The following RCAN1 variants were observed in gnomAD, a reference collection of about 807,000 sequenced individuals.
RCAN1 encodes the protein regulator of calcineurin 1, also known as calcipressin-1.
RCAN1 carries 11 observed loss-of-function variants against 22.9 expected under a neutral mutation model. The observed-to-expected ratio is 0.48, with a 90% CI of 0.30 to 0.79. RCAN1 has a LOEUF of 0.79. Among genes scored for constraint, RCAN1 ranks in the 30% least tolerant of loss-of-function variants. The probability of loss-of-function intolerance (pLI) is 0.06; values close to 1 mark genes in which losing one functional copy is unlikely to be tolerated. For missense variants in RCAN1, 291 were observed against 337.8 expected, an observed-to-expected ratio of 0.86 and a Z score of 1.09; for synonymous variants, 136 against 142.3, an observed-to-expected ratio of 0.96 and a Z score of 0.32.
At chr21:34,520,801 T>C (rs113934225) in intron 3 of RCAN1, among the ~76,000 whole-genome samples, 1 of 152,218 alleles carries the variant, frequency 6.6e-6, no homozygotes, top group Admixed American at 6.5e-5. Context: ...CAGGTGCTGA[T>C]GGAAGTGCCT....
In RCAN1 at chr21:34,610,894, G is replaced by A. The variant is rs370672506; in HGVS notation, c.252+3866C>T. On this transcript the variant is annotated intron_variant, in intron 1 of 3. Coordinates refer to ENST00000313806, the MANE Select transcript of RCAN1 (RefSeq NM_004414.7). ...GCACTACATCTATCACAAATCTTAG[G>A]TGAGTTGTTTTTGTTTTTTTTAGGT... 5.3e-5 allele frequency among the ~76,000 whole-genome samples: 8 copies of A among 152,286 alleles called. No individual in the cohort carries two copies. The East Asian group carries it at 5.8e-4, about 11-fold the overall frequency.
At chr21:34,565,357 CT>C (rs1986963893) in intron 1 of RCAN1, among the ~76,000 whole-genome samples, 1 of 152,222 alleles carries the variant, frequency 6.6e-6, no homozygotes, top group Non-Finnish European at 1.5e-5. Flanking sequence ...TTGAGAAGTG[CT>C]AACTAAAGAC....
At chr21:34,521,051 T>G in intron 3 of RCAN1, 2 of 1,172,474 alleles carry the variant, frequency 1.7e-6, no homozygotes, top group Non-Finnish European at 1.1e-6. Flanking sequence ...CCCTTTTCCT[T>G]TAAGAAGGCC....
intron 1 of RCAN1, among the ~76,000 whole-genome samples, chr21:34,561,101 G>T (rs987755811): frequency 6.6e-6 from 1 of 152,096 alleles, no homozygotes; most frequent in Non-Finnish European, 1.5e-5. Flanking sequence ...CCATCCTGCC[G>T]CCCTGTGAAG....
chr21:34,533,930 C>T (rs1272182616), intron 1 of RCAN1, among the ~76,000 whole-genome samples: 1 of 152,118 alleles, frequency 6.6e-6, no homozygotes, highest in African/African-American at 2.4e-5. Flanking sequence ...GCAAGCCCAG[C>T]AAGGAGGCTC....
chr21:34,575,723 T>C (rs919785311), intron 1 of RCAN1, among the ~76,000 whole-genome samples: 10 of 152,044 alleles, frequency 6.6e-5, no homozygotes, highest in African/African-American at 2.4e-4. Context: ...CATAGGAAGA[T>C]TGGTGACTGG....
intron 1 of RCAN1, among the ~76,000 whole-genome samples, chr21:34,574,355 C>G (rs1987336621): frequency 6.6e-6 from 1 of 152,194 alleles, no homozygotes; most frequent in East Asian, 1.9e-4. Context: ...CGTATATTTT[C>G]AAGAAATCAG....
chr21:34,610,402 G>C (rs951322597), intron 1 of RCAN1, among the ~76,000 whole-genome samples: 7 of 152,000 alleles, frequency 4.6e-5, no homozygotes, highest in Non-Finnish European at 7.4e-5. Flanking sequence ...CCCATCTCCT[G>C]GTCTGTGGGC....
In RCAN1 at chr21:34,550,350, C is replaced by T. The variant is rs118161151; in HGVS notation, c.253-26640G>A. ...CTGAAATGAACTCCTCCCAAAAATA[C>T]ATATGTTGAGTCCTAACCGTCCTGG... On this transcript the variant is annotated intron_variant, in intron 1 of 3. Transcript: ENST00000313806. Among the ~76,000 whole-genome samples the T allele has an allele frequency of 1.4e-4, 22 of 152,276 alleles. No homozygotes were observed. In the East Asian group the frequency reaches 3.9e-3, roughly 27 times the overall value.
At chr21:34,590,727 A>T (rs1026758597) in intron 1 of RCAN1, among the ~76,000 whole-genome samples, 4 of 152,204 alleles carry the variant, frequency 2.6e-5, no homozygotes, top group Admixed American at 2.6e-4. Context: ...CAGATCCTTG[A>T]TGGCCCCTGA....
chr21:34,603,640 C>T (rs908786370), intron 1 of RCAN1, among the ~76,000 whole-genome samples: 14 of 152,094 alleles, frequency 9.2e-5, no homozygotes, highest in Non-Finnish European at 7.4e-5. Context: ...ACCCCAGAGT[C>T]GGATATCCAG....
In RCAN1 at chr21:34,614,512, G is replaced by A; in HGVS notation, c.252+248C>T. On this transcript the variant is annotated intron_variant, in intron 1 of 3. Transcript: ENST00000313806. The surrounding 1 kb of genome is among the most constrained non-coding windows in gnomAD (Gnocchi z 6.0). ...TAGTCGCACCAGCCTGGGCGCACAC[G>A]GGGGCCGGGGCGAGCCTGTGGGACT... 4 of 1,042,234 alleles carry A rather than the reference G, an allele frequency of 3.8e-6. No homozygotes were observed. Among genetic ancestry groups the A allele is most frequent in the Non-Finnish European group, 4.6e-6 (4 of 865,838 alleles). 64.6% of individuals were successfully genotyped at this position (1,042,234 alleles called of 1,614,324 possible).
intron 1 of RCAN1, among the ~76,000 whole-genome samples, chr21:34,562,250 T>C (rs1020989163): frequency 2.0e-5 from 3 of 152,250 alleles, no homozygotes; most frequent in Admixed American, 6.5e-5. Context: ...CGATTTACTC[T>C]GCAGTGACAT....
At chr21:34,562,360 A>G (rs4816494) in intron 1 of RCAN1, among the ~76,000 whole-genome samples, 36,764 of 152,078 alleles carry the variant, frequency 0.24, 5,189 homozygotes, top group African/African-American at 0.39. Context: ...TTAGATGCCT[A>G]CCATGTGCCA....
At chr21:34,579,902 T>A (rs549156184) in intron 1 of RCAN1, among the ~76,000 whole-genome samples, 28 of 152,120 alleles carry the variant, frequency 1.8e-4, no homozygotes, top group Admixed American at 3.3e-4. Flanking sequence ...AGAAGAATAT[T>A]TTTTTCTTTA....
intron 1 of RCAN1, among the ~76,000 whole-genome samples, chr21:34,587,999 C>G (rs959198565): frequency 3.3e-5 from 5 of 152,188 alleles, no homozygotes; most frequent in Admixed American, 6.5e-5. Context: ...TGAACTGTAA[C>G]ATCAGTTCAT....
At chr21:34,601,753 G>A (rs1315063621) in intron 1 of RCAN1, among the ~76,000 whole-genome samples, 1 of 150,442 alleles carries the variant, frequency 6.6e-6, no homozygotes, top group Non-Finnish European at 1.5e-5. Context: ...GGGAGGCGGA[G>A]CTTGCAGTGA....
chr21:34,518,895 T>C lies in RCAN1; in HGVS notation c.587-639A>G, dbSNP rs1330224483. On this transcript the variant is annotated intron_variant, in intron 3 of 3. Transcript: ENST00000313806. The surrounding 1 kb of genome is among the most constrained non-coding windows in gnomAD (Gnocchi z 4.2). ...GTTGGCCAAGTTCAGGCCACTCTGG[T>C]CCAGCAAGGGTGGGGAGAGCTTTCT... Among the ~76,000 whole-genome samples, 1 of 152,182 alleles carries C rather than the reference T, an allele frequency of 6.6e-6. No homozygotes were observed. The highest frequency in any genetic ancestry group is 1.5e-5 in the Non-Finnish European group (1 of 68,028).
At chr21:34,526,697 G>C in intron 1 of RCAN1, 1 of 1,613,570 alleles carries the variant, frequency 6.2e-7, no homozygotes, top group Non-Finnish European at 8.5e-7. Context: ...ATCACTGTTT[G>C]CCACACAGGC....
Sources: allele counts gnomAD v4.1 joint callset (sites outside exome capture counted in the v4.1 genomes callset), GRCh38; gene constraint gnomAD v4.1.1; non-coding constraint Gnocchi (gnomAD v3.1); transcripts MANE v1.5; gene names NCBI Gene and HGNC (gene_info 2026-07-23, HGNC 2026-07-21).